KCNIP4: variants seen among roughly 807,000 people sequenced by gnomAD.
KCNIP4 encodes the protein Kv channel-interacting protein 4.
KCNIP4 carries 12 observed loss-of-function variants against 34.0 expected under a neutral mutation model. The observed-to-expected ratio is 0.35, with a 90% CI of 0.23 to 0.57. The LOEUF (loss-of-function observed/expected upper bound fraction) is 0.57. Ranked by LOEUF, KCNIP4 falls within the 20% of genes least tolerant of loss-of-function variation. The probability of loss-of-function intolerance (pLI) is 0.83; values close to 1 mark genes in which losing one functional copy is unlikely to be tolerated. For missense variants in KCNIP4, 238 were observed against 311.7 expected (o/e 0.76, Z 1.78); for synonymous variants, 124 against 102.2 (o/e 1.21, Z -1.29).
intron 1 of KCNIP4, among the ~76,000 whole-genome samples, chr4:21,424,355 G>A (rs1030570652): frequency 4.0e-5 from 6 of 151,278 alleles, no homozygotes; most frequent in African/African-American, 7.3e-5. Flanking sequence ...GGACGATCAC[G>A]AGGTCAGGAG....
At chr4:21,590,660 TTTAA>T (rs1468483655) in intron 1 of KCNIP4, among the ~76,000 whole-genome samples, 2 of 152,026 alleles carry the variant, frequency 1.3e-5, no homozygotes, top group African/African-American at 4.8e-5. Context: ...AAAAATAACC[TTTAA>T]TTGTATGGTG....
chr4:21,718,414 C>CA (rs1714549708), intron 1 of KCNIP4: 1 of 151,496 alleles, frequency 6.6e-6, no homozygotes, highest in Non-Finnish European at 1.5e-5. Context: ...TGAATATTAA[C>CA]AATTATGTAT....
intron 1 of KCNIP4, among the ~76,000 whole-genome samples, chr4:21,143,755 G>A (rs1752147616): frequency 6.6e-6 from 1 of 151,590 alleles, no homozygotes; most frequent in Non-Finnish European, 1.5e-5. Flanking sequence ...CCAGGCTGGA[G>A]TACAGTGGCA....
intron 3 of KCNIP4, among the ~76,000 whole-genome samples, chr4:20,801,225 C>G (rs1357123308): frequency 2.0e-5 from 3 of 149,470 alleles, no homozygotes; most frequent in South Asian, 2.1e-4. Flanking sequence ...ATTATCCAGA[C>G]AAGCAAAAGC....
chr4:21,773,228 G>T (rs1270348413), intron 1 of KCNIP4, among the ~76,000 whole-genome samples: 1 of 152,138 alleles, frequency 6.6e-6, no homozygotes, highest in Non-Finnish European at 1.5e-5. Flanking sequence ...TTGTGGTTTT[G>T]AGTGAGATTC....
intron 1 of KCNIP4, among the ~76,000 whole-genome samples, chr4:21,096,400 A>G (rs991040963): frequency 6.6e-6 from 1 of 152,196 alleles, no homozygotes; most frequent in Non-Finnish European, 1.5e-5. Context: ...TTGTGTTAAT[A>G]GTCAAATTTT....
intron 1 of KCNIP4, among the ~76,000 whole-genome samples, chr4:21,086,635 C>A (rs973947941): frequency 1.3e-5 from 2 of 152,038 alleles, no homozygotes; most frequent in Non-Finnish European, 2.9e-5. Flanking sequence ...TGTGTTTGTA[C>A]CATTCTTGTA....
At chr4:20,890,331 G>C (rs900678699) in intron 1 of KCNIP4, among the ~76,000 whole-genome samples, 12 of 152,094 alleles carry the variant, frequency 7.9e-5, no homozygotes, top group African/African-American at 2.9e-4. Flanking sequence ...TTCTGTTGGT[G>C]GATATGGATA....
At chr4:21,670,269 T>C (rs892470581) in intron 1 of KCNIP4, among the ~76,000 whole-genome samples, 6 of 151,904 alleles carry the variant, frequency 3.9e-5, no homozygotes, top group African/African-American at 1.5e-4. Context: ...ATGGCCTTTG[T>C]AGGGACATGG....
intron 1 of KCNIP4, among the ~76,000 whole-genome samples, chr4:21,733,160 T>C (rs1232425627): frequency 6.6e-6 from 1 of 152,186 alleles, no homozygotes; most frequent in Non-Finnish European, 1.5e-5. Context: ...CTCTTCATTT[T>C]TTATGCGCCA....
intron 1 of KCNIP4, among the ~76,000 whole-genome samples, chr4:21,129,960 C>T (rs750853709): frequency 6.6e-6 from 1 of 151,982 alleles, no homozygotes; most frequent in Non-Finnish European, 1.5e-5. Flanking sequence ...TACATACCAT[C>T]CTCCTACCTA....
At chr4:21,501,900 T>A (rs1023583015) in intron 1 of KCNIP4, among the ~76,000 whole-genome samples, 5 of 151,414 alleles carry the variant, frequency 3.3e-5, no homozygotes, top group Non-Finnish European at 7.4e-5. Context: ...TCTCTCTCTA[T>A]CTCTCCATAG....
intron 1 of KCNIP4, among the ~76,000 whole-genome samples, chr4:20,915,673 C>G (rs1488172635): frequency 6.6e-6 from 1 of 151,982 alleles, no homozygotes; most frequent in Admixed American, 6.6e-5. Context: ...ATACATACAC[C>G]TTATATGTAT....
At chr4:21,588,125 C>T (rs928136245) in intron 1 of KCNIP4, among the ~76,000 whole-genome samples, 1 of 151,948 alleles carries the variant, frequency 6.6e-6, no homozygotes, top group Admixed American at 6.6e-5. Context: ...AGACATATGT[C>T]ATATCTTGGC....
chr4:21,758,321 G>T (rs890569433), intron 1 of KCNIP4, among the ~76,000 whole-genome samples: 2 of 152,180 alleles, frequency 1.3e-5, no homozygotes. Flanking sequence ...AAAATAATGT[G>T]AATAGAGTAA....
At chr4:21,227,841 C>T (rs1758512644) in intron 1 of KCNIP4, among the ~76,000 whole-genome samples, 3 of 152,072 alleles carry the variant, frequency 2.0e-5, no homozygotes, top group Admixed American at 2.0e-4. Flanking sequence ...TGACATACTC[C>T]TGGAGGAGCG....
chr4:20,972,870 C>A (rs1364879503), intron 1 of KCNIP4, among the ~76,000 whole-genome samples: 1 of 152,138 alleles, frequency 6.6e-6, no homozygotes, highest in South Asian at 2.1e-4. Flanking sequence ...ATGGAAATAG[C>A]AAGATAACTA....
intron 1 of KCNIP4, among the ~76,000 whole-genome samples, chr4:21,100,053 T>C (rs1024917302): frequency 3.9e-5 from 6 of 152,228 alleles, no homozygotes; most frequent in African/African-American, 1.4e-4. Flanking sequence ...CTGGTGAAGA[T>C]GCAGCAAACA....
intron 1 of KCNIP4, among the ~76,000 whole-genome samples, chr4:20,957,651 C>T (rs10155342): frequency 0.61 from 92,921 of 151,520 alleles, 28,597 homozygotes; most frequent in East Asian, 0.74. Flanking sequence ...CCATGACCTT[C>T]AGATATGGGA....
Sources: gnomAD v4.1 joint callset for allele counts (sites outside exome capture counted in the v4.1 genomes callset) on GRCh38, gnomAD v4.1.1 for gene constraint, MANE v1.5 for transcripts, NCBI Gene and HGNC (gene_info 2026-07-23, HGNC 2026-07-21) for gene names.